Variants in XRCC4 observed in about 807,000 individuals in gnomAD.
XRCC4 encodes the protein DNA repair protein XRCC4.
In XRCC4, 28 loss-of-function variants were observed where a neutral mutation model predicts 39.1. The observed-to-expected ratio is 0.72, with a 90% CI of 0.53 to 0.98. The LOEUF (loss-of-function observed/expected upper bound fraction) is 0.98. Among genes scored for constraint, XRCC4 ranks in the 50% least tolerant of loss-of-function variants. XRCC4 has a pLI of 0.00. For missense variants in XRCC4, 350 were observed against 376.4 expected (o/e 0.93, Z 0.58); for synonymous variants, 123 against 126.4 (o/e 0.97, Z 0.18).
chr5:83,161,317 A>G (rs763027859), intron 3 of XRCC4, among the ~76,000 whole-genome samples: 1 of 152,074 alleles, frequency 6.6e-6, no homozygotes, highest in Non-Finnish European at 1.5e-5. Flanking sequence ...TTTTTAGTAG[A>G]GACAGAGTTT....
intron 7 of XRCC4, among the ~76,000 whole-genome samples, chr5:83,263,127 G>C (rs1177457867): frequency 1.3e-5 from 2 of 149,702 alleles, no homozygotes; most frequent in Admixed American, 1.3e-4. Context: ...AGTTTACTGA[G>C]AATGATGATT....
intron 7 of XRCC4, among the ~76,000 whole-genome samples, chr5:83,328,091 G>A (rs201041880): frequency 6.6e-5 from 10 of 152,134 alleles, no homozygotes; most frequent in East Asian, 3.9e-4. Context: ...GAATCATGGC[G>A]GGAGGCAAAA....
chr5:83,280,903 A>G (rs1035898509), intron 7 of XRCC4, among the ~76,000 whole-genome samples: 3 of 152,192 alleles, frequency 2.0e-5, no homozygotes, highest in Admixed American at 1.3e-4. Flanking sequence ...CCCACTGTGT[A>G]TCTCATCAGG....
intron 6 of XRCC4, among the ~76,000 whole-genome samples, chr5:83,237,248 A>G (rs1176213956): frequency 6.6e-6 from 1 of 152,150 alleles, no homozygotes; most frequent in Non-Finnish European, 1.5e-5. Flanking sequence ...TATCAAAGTG[A>G]TACCTTTATT....
At chr5:83,169,857 A>C (rs1381255936) in intron 3 of XRCC4, among the ~76,000 whole-genome samples, 1 of 152,226 alleles carries the variant, frequency 6.6e-6, no homozygotes, top group Non-Finnish European at 1.5e-5. Context: ...GACGGTAAAC[A>C]GAATGATTTC....
chr5:83,178,094 G>A (rs1349872354), intron 3 of XRCC4, among the ~76,000 whole-genome samples: 3 of 151,996 alleles, frequency 2.0e-5, no homozygotes, highest in Non-Finnish European at 4.4e-5. Flanking sequence ...GAGATAAGAA[G>A]GAAAAGCAAA....
chr5:83,212,140 G>A (rs1252117686), intron 6 of XRCC4, among the ~76,000 whole-genome samples: 1 of 151,764 alleles, frequency 6.6e-6, no homozygotes, highest in African/African-American at 2.4e-5. Context: ...ATGTATGTGT[G>A]TATATATACA....
At chr5:83,142,740 G>A (rs184125985) in intron 3 of XRCC4, among the ~76,000 whole-genome samples, 249 of 152,184 alleles carry the variant, frequency 1.6e-3, no homozygotes, top group Middle Eastern at 0.01. Context: ...AAAGGAACCC[G>A]TTCTGTAGAT....
chr5:83,147,040 C>T (rs1023617296), intron 3 of XRCC4, among the ~76,000 whole-genome samples: 4 of 152,172 alleles, frequency 2.6e-5, no homozygotes, highest in African/African-American at 9.7e-5. Context: ...AAATTACACT[C>T]GTTCTGTGGC....
intron 7 of XRCC4, among the ~76,000 whole-genome samples, chr5:83,334,941 G>A (rs892431329): frequency 6.6e-6 from 1 of 151,922 alleles, no homozygotes; most frequent in African/African-American, 2.4e-5. Flanking sequence ...TTTATTTTAA[G>A]TAGTAACTGT....
At chr5:83,171,376 C>A (rs1466852600) in intron 3 of XRCC4, among the ~76,000 whole-genome samples, 1 of 152,010 alleles carries the variant, frequency 6.6e-6, no homozygotes, top group East Asian at 1.9e-4. Flanking sequence ...ACCTTGTTGT[C>A]CTTATCAGAG....
intron 3 of XRCC4, among the ~76,000 whole-genome samples, chr5:83,171,719 C>A (rs1749735201): frequency 1.3e-5 from 2 of 152,146 alleles, no homozygotes; most frequent in Admixed American, 1.3e-4. Flanking sequence ...AATGCCTTAG[C>A]CTAGCATTCA....
Position 83,266,102 on chromosome 5 carries a change from T to G in XRCC4, c.893+7425T>G, listed in dbSNP as rs113218971. On this transcript the variant is annotated intron_variant, in intron 7 of 7. Transcript: ENST00000396027. Reference sequence around the variant, plus strand: ...TTCTCTAAATTTGGCTTGATAATAGTTATTGTTTCAGGCATTTTAAGCACT... The same window carrying G: ...TTCTCTAAATTTGGCTTGATAATAGGTATTGTTTCAGGCATTTTAAGCACT... Among the ~76,000 whole-genome samples the G allele has an allele frequency of 5.9e-3, 897 of 152,078 alleles. 12 individuals are homozygous for G. The highest frequency in any genetic ancestry group is 0.021 in the African/African-American group (861 of 41,506).
the XRCC4 span, among the ~76,000 whole-genome samples, chr5:83,362,618 A>ACCAAATACT: frequency 3.3e-3 from 502 of 152,296 alleles, 11 homozygotes; most frequent in East Asian, 0.075. Context: ...GGAATTTTAT[A>ACCAAATACT]CCAAATACTG....
chr5:83,084,505 C>T (rs1745096309), intron 1 of XRCC4, among the ~76,000 whole-genome samples: 1 of 152,154 alleles, frequency 6.6e-6, no homozygotes, highest in Non-Finnish European at 1.5e-5. Flanking sequence ...AGAAGAAATA[C>T]ATGCCAAAAT....
chr5:83,259,508 G>A (rs1325731334), intron 7 of XRCC4, among the ~76,000 whole-genome samples: 1 of 151,930 alleles, frequency 6.6e-6, no homozygotes, highest in Non-Finnish European at 1.5e-5. Flanking sequence ...ACCTGTGTGA[G>A]GCTGGATTTT....
rs527549742 is a variant in XRCC4, at chr5:83,280,454, A to AT, written c.893+21778dup. ...GCAATTTTGAAGAAAGTTCTTGCAC[A>AT]TATCTCCTTAGGCAAAATTGAGGTA... On this transcript the variant is annotated intron_variant, in intron 7 of 7. Transcript: ENST00000396027. The AT allele has an allele frequency of 2.3e-3, 1,643 of 727,502 alleles. 17 individuals are homozygous for AT. Among genetic ancestry groups the AT allele is most frequent in the South Asian group, 0.012 (766 of 64,590 alleles). The allele number at this position is 727,502 out of a possible 1,614,324, so 45.1% of individuals were successfully genotyped here. A position where few individuals can be genotyped will look rare whatever the true frequency, so the allele number is the denominator to read the frequency against.
chr5:83,160,509 T>G (rs2112581858), intron 3 of XRCC4, among the ~76,000 whole-genome samples: 1 of 152,320 alleles, frequency 6.6e-6, no homozygotes, highest in East Asian at 1.9e-4. Context: ...AGGTGTCAAA[T>G]GTTTTATATT....
intron 6 of XRCC4, among the ~76,000 whole-genome samples, chr5:83,215,969 G>A (rs978207106): frequency 2.4e-4 from 36 of 151,606 alleles, no homozygotes; most frequent in African/African-American, 8.5e-4. Flanking sequence ...ATTGGATTTC[G>A]TCAAAATAAA....
Sources: allele counts gnomAD v4.1 joint callset (sites outside exome capture counted in the v4.1 genomes callset), GRCh38; gene constraint gnomAD v4.1.1; transcripts MANE v1.5; gene names NCBI Gene and HGNC (gene_info 2026-07-23, HGNC 2026-07-21).